Variants in PTPRN2 observed in about 807,000 individuals in gnomAD.
The protein encoded by PTPRN2 is protein tyrosine phosphatase receptor type N2.
Under a neutral mutation model 118.8 loss-of-function variants are expected in PTPRN2, and 74 were observed. The ratio of observed to expected loss-of-function variants is 0.62; its 90% CI spans 0.52 to 0.76. PTPRN2 has a LOEUF of 0.76. PTPRN2 is among the 30% of genes least tolerant of loss of function. The probability of loss-of-function intolerance (pLI) is 0.00; values close to 1 mark genes in which losing one functional copy is unlikely to be tolerated. For missense variants in PTPRN2, 1,481 were observed against 1,394.4 expected, an observed-to-expected ratio of 1.06 and a Z score of -0.99; for synonymous variants, 641 against 608.0, an observed-to-expected ratio of 1.05 and a Z score of -0.80.
chr7:157,756,304 ATT>A lies in PTPRN2; in HGVS notation c.1789-73369_1789-73368del, dbSNP rs3043661. The stretch of plus-strand genomic sequence containing the variant: ...GGCAAATTTTTTAATCTTTTAATTA[ATT>A]TTTTTTTTTTTTGAGACAGGATCTG... On this transcript the variant is annotated intron_variant, in intron 12 of 22. Coordinates refer to ENST00000389418, the MANE Select transcript of PTPRN2 (RefSeq NM_002847.5). 2.7e-3 allele frequency among the ~76,000 whole-genome samples: 396 copies of A among 145,208 alleles called. 2 individuals carry two copies. Among genetic ancestry groups the A allele is most frequent in the African/African-American group, 9.4e-3 (375 of 39,744 alleles).
intron 12 of PTPRN2, among the ~76,000 whole-genome samples, chr7:157,887,889 C>T (rs1031708995): frequency 5.5e-5 from 8 of 146,428 alleles, no homozygotes; most frequent in African/African-American, 2.0e-4. Context: ...ACCTGCTCTC[C>T]ACCATACCCA....
chr7:157,719,055 G>A (rs1326330545), intron 12 of PTPRN2, among the ~76,000 whole-genome samples: 1 of 152,152 alleles, frequency 6.6e-6, no homozygotes, highest in Non-Finnish European at 1.5e-5. Flanking sequence ...GTCTCCCCAG[G>A]AGCGTGTTCC....
In PTPRN2 at chr7:158,276,322, T is replaced by G. The variant is rs552084117; in HGVS notation, c.277+40497A>C. ...ACACCCCGGCCCCGACAGGCTGTAA[T>G]GTATCACCCCCGCACCCCGGCCCCG... On this transcript the variant is annotated intron_variant, in intron 3 of 22. Coordinates refer to ENST00000389418, the MANE Select transcript of PTPRN2 (RefSeq NM_002847.5). Among the ~76,000 whole-genome samples the G allele has an allele frequency of 4.9e-3, 145 of 29,608 alleles. 6 individuals carry two copies. The highest frequency in any genetic ancestry group is 0.013 in the African/African-American group (135 of 10,356). 19.4% of individuals were successfully genotyped at this position (29,608 alleles called of 152,430 possible).
intron 13 of PTPRN2, among the ~76,000 whole-genome samples, chr7:157,673,741 C>T (rs1796524684): frequency 6.6e-6 from 1 of 152,042 alleles, no homozygotes; most frequent in African/African-American, 2.4e-5. Context: ...CCTTTTTCTT[C>T]CTCTCCCACG....
chr7:157,921,677 T>C (rs6459819), intron 11 of PTPRN2, among the ~76,000 whole-genome samples: 81,622 of 152,158 alleles, frequency 0.54, 22,299 homozygotes, highest in Admixed American at 0.63. Flanking sequence ...TACATGCTCA[T>C]TGGCCCTTCT....
intron 5 of PTPRN2, among the ~76,000 whole-genome samples, chr7:158,189,464 T>C (rs567864426): frequency 1.3e-5 from 2 of 152,328 alleles, no homozygotes; most frequent in South Asian, 2.1e-4. Flanking sequence ...CCAAGGCACA[T>C]TGGACGAGCC....
chr7:158,245,680 A>C (rs1364108239), intron 3 of PTPRN2, among the ~76,000 whole-genome samples: 2 of 152,102 alleles, frequency 1.3e-5, no homozygotes, highest in Non-Finnish European at 2.9e-5. Context: ...CATGGATGGG[A>C]GCTGCCTTCT....
At chr7:157,577,977 G>A (rs1391930940) in intron 18 of PTPRN2, 44 bp downstream of exon 18, 5 of 1,530,378 alleles carry the variant, frequency 3.3e-6, no homozygotes, top group Non-Finnish European at 4.4e-6. Flanking sequence ...GCCCGTCCTC[G>A]TCCGGCTGGT....
intron 2 of PTPRN2, among the ~76,000 whole-genome samples, chr7:158,317,969 C>T (rs1246428444): frequency 6.6e-6 from 1 of 152,206 alleles, no homozygotes; most frequent in African/African-American, 2.4e-5. Flanking sequence ...CCCAGGGAAT[C>T]CGGGAGGCAG....
intron 11 of PTPRN2, among the ~76,000 whole-genome samples, chr7:158,002,311 TGA>T (rs1201978302): frequency 1.3e-5 from 2 of 152,146 alleles, no homozygotes; most frequent in Admixed American, 6.5e-5. Context: ...CTACGGAGGA[TGA>T]GAGAGGCAGG....
intron 10 of PTPRN2, among the ~76,000 whole-genome samples, chr7:158,089,261 C>T (rs373052561): frequency 3.1e-3 from 51 of 16,398 alleles, no homozygotes; most frequent in East Asian, 0.11. Context: ...ACAAACCTTC[C>T]TCCCCTGAGG....
chr7:158,279,747 G>A (rs1799284482), intron 3 of PTPRN2, among the ~76,000 whole-genome samples: 1 of 152,170 alleles, frequency 6.6e-6, no homozygotes, highest in African/African-American at 2.4e-5. Context: ...GAGGGAGCCG[G>A]CTCCGGCCTC....
At chr7:158,505,249 A>C (rs1444322520) in intron 1 of PTPRN2, among the ~76,000 whole-genome samples, 3 of 152,202 alleles carry the variant, frequency 2.0e-5, no homozygotes, top group African/African-American at 7.2e-5. Flanking sequence ...CCCATGGGAC[A>C]CTTCTGGCAA....
intron 2 of PTPRN2, among the ~76,000 whole-genome samples, chr7:158,400,027 C>T (rs1193371162): frequency 6.6e-6 from 1 of 152,140 alleles, no homozygotes; most frequent in Non-Finnish European, 1.5e-5. Flanking sequence ...TGTGACCACA[C>T]CTGCAGGGTA....
At chr7:157,751,484 T>C (rs977655016) in intron 12 of PTPRN2, among the ~76,000 whole-genome samples, 3 of 151,746 alleles carry the variant, frequency 2.0e-5, no homozygotes, top group Non-Finnish European at 4.4e-5. Context: ...CTCGCAGGAG[T>C]GGCTGAGTGC....
intron 3 of PTPRN2, among the ~76,000 whole-genome samples, chr7:158,209,871 A>C (rs1010011163): frequency 1.9e-4 from 29 of 152,240 alleles, no homozygotes; most frequent in Non-Finnish European, 3.7e-4. Flanking sequence ...CAATGGAATA[A>C]CACTAGAAAT....
intron 1 of PTPRN2, chr7:158,541,681 T>C (rs1825992564): frequency 4.6e-6 from 6 of 1,307,388 alleles, no homozygotes; most frequent in Non-Finnish European, 6.0e-6. Context: ...GTTAATCTGT[T>C]GAAGACTTAG....
intron 3 of PTPRN2, among the ~76,000 whole-genome samples, chr7:158,272,791 G>C (rs1445874216): frequency 6.6e-6 from 1 of 152,182 alleles, no homozygotes; most frequent in Non-Finnish European, 1.5e-5. Context: ...ATAGGTGTGA[G>C]GGCCATCGGG....
intron 2 of PTPRN2, among the ~76,000 whole-genome samples, chr7:158,488,541 G>C (rs1418113057): frequency 6.6e-6 from 1 of 152,214 alleles, no homozygotes; most frequent in Non-Finnish European, 1.5e-5. Flanking sequence ...GGGCGCACGA[G>C]CTCCTCGGTT....
Sources: gnomAD v4.1 joint callset for allele counts (sites outside exome capture counted in the v4.1 genomes callset) on GRCh38, gnomAD v4.1.1 for gene constraint, MANE v1.5 for transcripts, NCBI Gene and HGNC (gene_info 2026-07-23, HGNC 2026-07-21) for gene names.